The following PITRM1 variants were observed in gnomAD, a reference collection of about 807,000 sequenced individuals.
The protein encoded by PITRM1 is pitrilysin metallopeptidase 1, also known as presequence protease, mitochondrial.
Under a neutral mutation model 129.9 loss-of-function variants are expected in PITRM1, and 100 were observed. That is an observed-to-expected ratio of 0.77 (90% CI 0.65 to 0.91). The LOEUF (loss-of-function observed/expected upper bound fraction) is 0.91. Among genes scored for constraint, PITRM1 ranks in the 40% least tolerant of loss-of-function variants. The pLI is 0.00. For missense variants in PITRM1, 1,471 were observed against 1,318.3 expected (o/e 1.12, Z -1.79); for synonymous variants, 591 against 508.8 (o/e 1.16, Z -2.17).
intron 1 of PITRM1, among the ~76,000 whole-genome samples, chr10:3,171,512 C>T (rs60456940): frequency 0.028 from 4,224 of 152,164 alleles, 126 homozygotes; most frequent in African/African-American, 0.071. Context: ...GGTGCAATCT[C>T]GACTCACTGC....
chr10:3,147,495 T>C (rs1841012978), intron 19 of PITRM1, 77 bp downstream of exon 19: 41 of 1,429,212 alleles, frequency 2.9e-5, no homozygotes, highest in Middle Eastern at 4.6e-4. Context: ...CATAAATTAA[T>C]GTATTCCCAA....
intron 2 of PITRM1, among the ~76,000 whole-genome samples, chr10:3,168,752 G>C (rs1003307844): frequency 2.6e-5 from 4 of 152,162 alleles, no homozygotes; most frequent in African/African-American, 9.7e-5. Context: ...CAGCCATGCA[G>C]AACTGTGAGT....
At chr10:3,143,924 G>C in intron 22 of PITRM1, 1 of 518,532 alleles carries the variant, frequency 1.9e-6, no homozygotes, top group Non-Finnish European at 3.6e-6. Context: ...CTGAGTCGCG[G>C]AAAGGATCTG....
At chr10:3,171,143 C>T (rs560891089) in intron 1 of PITRM1, among the ~76,000 whole-genome samples, 463 of 22,506 alleles carry the variant, frequency 0.021, 25 homozygotes, top group African/African-American at 0.077. Flanking sequence ...ACTAATCGTT[C>T]AATTAAAAAA....
chr10:3,146,683 T>A (rs1840905638), intron 20 of PITRM1: 2 of 154,394 alleles, frequency 1.3e-5, no homozygotes, highest in Admixed American at 1.3e-4. Flanking sequence ...AATACATCAA[T>A]GTCACTGACA....
At chr10:3,163,938 G>A (rs549808995) in intron 6 of PITRM1, 53 bp from the exon 7 acceptor site, 3 of 1,238,176 alleles carry the variant, frequency 2.4e-6, no homozygotes, top group Non-Finnish European at 3.4e-6. Flanking sequence ...TAATACACAC[G>A]TTACATTACT....
At chr10:3,152,014 T>C (rs1343157067) in intron 14 of PITRM1, among the ~76,000 whole-genome samples, 2 of 152,216 alleles carry the variant, frequency 1.3e-5, no homozygotes, top group Non-Finnish European at 2.9e-5. Flanking sequence ...CCCAAAGTGC[T>C]GGGATTCCAG....
rs1839803503 is a variant in PITRM1 at position 3,138,389 on chromosome 10, G to A, written c.2918-52C>T. 4.0e-6 allele frequency: 5 copies of A among 1,243,826 alleles called. No individual in the cohort carries two copies. In the East Asian group the frequency reaches 1.2e-4, roughly 29 times the overall value. The allele number at this position is 1,243,826 out of a possible 1,614,324, so 77.0% of individuals were successfully genotyped here. A position where few individuals can be genotyped will look rare whatever the true frequency, so the allele number is the denominator to read the frequency against. On this transcript the variant is annotated intron_variant, in intron 25 of 26. Coordinates refer to ENST00000224949, the MANE Select transcript of PITRM1 (RefSeq NM_014889.4). ...GAGCCGCTGCCCGGGAGCTCGCGTT[G>A]TGGGCTGTGCACTCATGTCCCGGAG...
chr10:3,157,316 AACC>A lies in PITRM1; in HGVS notation c.1347+116_1347+118del, dbSNP rs1197769103. ...AATAACCAACAGATTACTAGTTATA[AACC>A]CTTACCCATTTAAAGTAATCTATTT... On this transcript the variant is annotated intron_variant, in intron 12 of 26. Transcript: ENST00000224949. The A allele has an allele frequency of 7.6e-6, 5 of 659,904 alleles. No homozygotes were observed. The African/African-American group carries it at 9.3e-5, about 12-fold the overall frequency. The allele number at this position is 659,904 out of a possible 1,614,324, so 40.9% of individuals were successfully genotyped here. A position where few individuals can be genotyped will look rare whatever the true frequency, so the allele number is the denominator to read the frequency against.
Position 3,138,036 on chromosome 10 carries a change from G to A in PITRM1, c.3109C>T (p.Gln1037Ter), listed in dbSNP as rs201112796. Reference sequence around the variant, plus strand: ...CAGTCGAGCGCCACGGCTGCTCATTGGATGATCCAGGATGGGTCCTTGGCA... The same window carrying A: ...CAGTCGAGCGCCACGGCTGCTCATTAGATGATCCAGGATGGGTCCTTGGCA... The part of the protein sequence containing the change: ...KIAKDPSWII[Q>*] Residue 1037 changes from glutamine to a stop codon, truncating the protein, a stop_gained, in exon 27 of 27, where the codon CAA becomes TAA. Coordinates refer to ENST00000224949, the MANE Select transcript of PITRM1 (RefSeq NM_014889.4). LOFTEE classifies it high-confidence loss of function. 112 of 1,599,532 alleles carry A rather than the reference G, an allele frequency of 7.0e-5. 1 individual carries two copies. The highest frequency in any genetic ancestry group is 3.5e-4 in the African/African-American group (26 of 74,768).
At chr10:3,153,492 A>G (rs1841697610) in intron 14 of PITRM1, among the ~76,000 whole-genome samples, 1 of 152,100 alleles carries the variant, frequency 6.6e-6, no homozygotes, top group African/African-American at 2.4e-5. Flanking sequence ...GGTGGTGGGC[A>G]TCTGTAGTCT....
Position 3,156,912 on chromosome 10 carries a change from A to T in PITRM1, c.1482+18T>A, listed in dbSNP as rs1366724998. ...TTCAACTTCAAAATTAGAGAAATGA[A>T]TTATCCAACTTTCTTACCTTAAAAT... On this transcript the variant is annotated intron_variant, in intron 13 of 26. Coordinates refer to ENST00000224949, the MANE Select transcript of PITRM1 (RefSeq NM_014889.4). 1 of 1,483,052 alleles carries T rather than the reference A, an allele frequency of 6.7e-7. No individual in the cohort carries two copies. The highest frequency in any genetic ancestry group is 9.0e-7 in the Non-Finnish European group (1 of 1,106,928). 91.9% of individuals were successfully genotyped at this position (1,483,052 alleles called of 1,614,324 possible).
chr10:3,159,181 A>C (rs113930872), intron 9 of PITRM1, 139 bp from the exon 10 acceptor site: 5 of 800,014 alleles, frequency 6.2e-6, no homozygotes, highest in African/African-American at 5.2e-5. Flanking sequence ...TTTTATGAGC[A>C]GAAGAGAATT....
In PITRM1 at chr10:3,149,732, T is replaced by G. The variant is rs1404615880; in HGVS notation, c.1760A>C (p.Tyr587Ser). The change falls in exon 16 of 27, where the codon TAC becomes TCC. Residue 587 changes from tyrosine (Y) to serine (S), a missense_variant. Physicochemically the swap from Tyr to Ser is moderately radical, Grantham distance 144. Coordinates refer to ENST00000224949, the MANE Select transcript of PITRM1 (RefSeq NM_014889.4). ...CATGCCATTGGTGGGCTGGGCGCAGTACTGAACAGGGATATCTCCAGCTAG... is the reference window on the plus strand; with the variant it reads ...CATGCCATTGGTGGGCTGGGCGCAGGACTGAACAGGGATATCTCCAGCTAG... The part of the protein sequence containing the change: ...VLTAGDIPVQ[Y>S]CAQPTNGMVY... 6.2e-7 allele frequency: 1 copy of G among 1,613,694 alleles called. No individual in the cohort carries two copies. The highest frequency in any genetic ancestry group is 8.5e-7 in the Non-Finnish European group (1 of 1,179,820).
chr10:3,158,971 G>A lies in PITRM1; in HGVS notation c.1079C>T (p.Pro360Leu). The change falls in exon 10 of 27, where the codon CCC becomes CTC. Residue 360 changes from proline (P) to leucine (L), a missense_variant. Physicochemically the swap from Pro to Leu is moderately conservative, Grantham distance 98 (BLOSUM62 -3). Transcript: ENST00000224949. ...SSLLTSGPNS[P>L]FYKALIESGL... ...AGATTCAATCAAGGCTTTGTAAAAG[G>A]GAGAATTGGGCCCAGAAGTCAAGAG... is the stretch of plus-strand genomic sequence containing the variant. 1 of 1,613,502 alleles carries A rather than the reference G, an allele frequency of 6.2e-7. No individual in the cohort carries two copies. The highest frequency in any genetic ancestry group is 8.5e-7 in the Non-Finnish European group (1 of 1,179,612).
intron 20 of PITRM1, 41 bp downstream of exon 20, chr10:3,147,109 G>T: frequency 1.8e-6 from 2 of 1,094,732 alleles, no homozygotes; most frequent in Non-Finnish European, 2.8e-6. Flanking sequence ...ATACTTAATA[G>T]AATGAATCAT....
intron 6 of PITRM1, among the ~76,000 whole-genome samples, 166 bp downstream of exon 6, chr10:3,165,072 T>C (rs925118373): frequency 6.6e-6 from 1 of 152,228 alleles, no homozygotes; most frequent in Non-Finnish European, 1.5e-5. Flanking sequence ...AACAGCAGCC[T>C]GGCCCTGCTA....
intron 15 of PITRM1, among the ~76,000 whole-genome samples, chr10:3,150,840 T>C (rs1366940329): frequency 6.6e-6 from 1 of 152,072 alleles, no homozygotes; most frequent in Non-Finnish European, 1.5e-5. Flanking sequence ...AACTCAGCAC[T>C]CAGCTTTCTG....
rs1840089608 is a variant in PITRM1 at position 3,140,626 on chromosome 10, T to C, written c.2771+61A>G. 4.8e-6 allele frequency: 7 copies of C among 1,455,854 alleles called. No individual in the cohort carries two copies. In the South Asian group the frequency reaches 8.7e-5, roughly 18 times the overall value. 90.2% of individuals were successfully genotyped at this position (1,455,854 alleles called of 1,614,324 possible). The stretch of plus-strand genomic sequence containing the variant: ...CAGTAGAAGAAAATGACACTGATAA[T>C]CATGAGTAGAAGACTAAAACGACGT... On this transcript the variant is annotated intron_variant, in intron 24 of 26. Coordinates refer to ENST00000224949, the MANE Select transcript of PITRM1 (RefSeq NM_014889.4).
Sources: gnomAD v4.1 joint callset for allele counts (sites outside exome capture counted in the v4.1 genomes callset) on GRCh38, gnomAD v4.1.1 for gene constraint, MANE v1.5 for transcripts, NCBI Gene and HGNC (gene_info 2026-07-23, HGNC 2026-07-21) for gene names.